Variants in MAP2K1 observed in about 807,000 individuals in gnomAD.
The protein encoded by MAP2K1 is mitogen-activated protein kinase kinase 1.
In MAP2K1, 16 loss-of-function variants were observed where a neutral mutation model predicts 46.3. The ratio of observed to expected loss-of-function variants is 0.35; its 90% CI spans 0.23 to 0.52. The LOEUF (loss-of-function observed/expected upper bound fraction) is 0.52. Among genes scored for constraint, MAP2K1 ranks in the 20% least tolerant of loss-of-function variants. The pLI is 0.94. For missense variants in MAP2K1, 263 were observed against 497.1 expected (o/e 0.53, Z 4.48); for synonymous variants, 183 against 185.6 (o/e 0.99, Z 0.11).
At chr15:66,444,565 A>ATC in intron 4 of MAP2K1, 91 bp from the exon 5 acceptor site, 3 of 976,816 alleles carry the variant, frequency 3.1e-6, no homozygotes, top group Non-Finnish European at 5.0e-6. Context: ...GATGATGATA[A>ATC]ATGAAGTATT....
chr15:66,458,253 G>A (rs562608230), intron 5 of MAP2K1, among the ~76,000 whole-genome samples: 8 of 152,072 alleles, frequency 5.3e-5, no homozygotes, highest in Admixed American at 3.3e-4. Context: ...CCACCCTGCC[G>A]TTCTTAACCT....
At chr15:66,490,128 T>C (rs1893198608) in intron 10 of MAP2K1, 1 of 514,408 alleles carries the variant, frequency 1.9e-6, no homozygotes, top group Non-Finnish European at 3.5e-6. Context: ...TTGGTGGCAG[T>C]GGAAATAGCT....
At chr15:66,419,155 T>G (rs1412774843) in intron 1 of MAP2K1, among the ~76,000 whole-genome samples, 1 of 147,756 alleles carries the variant, frequency 6.8e-6, no homozygotes, top group Non-Finnish European at 1.5e-5. Flanking sequence ...ATAACTTCTG[T>G]TTTTTTTTCC....
At chr15:66,427,073 A>G (rs2093461146) in intron 1 of MAP2K1, among the ~76,000 whole-genome samples, 1 of 152,222 alleles carries the variant, frequency 6.6e-6, no homozygotes, top group African/African-American at 2.4e-5. Context: ...AAGTTCCGGC[A>G]CTAGAAGGCC....
intron 5 of MAP2K1, among the ~76,000 whole-genome samples, chr15:66,452,287 TAAA>T (rs146502834): frequency 2.9e-5 from 3 of 103,626 alleles, no homozygotes; most frequent in African/African-American, 1.2e-4. Flanking sequence ...TAGAGTATAA[TAAA>T]AAAAAAAAAA....
intron 6 of MAP2K1, among the ~76,000 whole-genome samples, chr15:66,484,683 G>A (rs1451275074): frequency 7.5e-6 from 1 of 134,208 alleles, no homozygotes. Flanking sequence ...CAAGACTGTG[G>A]CCAAGCTGGG....
At chr15:66,433,318 A>T (rs1408537632) in intron 1 of MAP2K1, among the ~76,000 whole-genome samples, 2 of 152,150 alleles carry the variant, frequency 1.3e-5, no homozygotes, top group African/African-American at 4.8e-5. Flanking sequence ...ATCATAGACT[A>T]AGTAGCTTAG....
chr15:66,489,394 T>A, intron 9 of MAP2K1, 118 bp downstream of exon 9: 1 of 973,458 alleles, frequency 1.0e-6, no homozygotes. Flanking sequence ...TACCCTCCCG[T>A]CTGATGATTC....
At chr15:66,402,265 T>C (rs545913868) in intron 1 of MAP2K1, among the ~76,000 whole-genome samples, 1 of 152,318 alleles carries the variant, frequency 6.6e-6, no homozygotes, top group African/African-American at 2.4e-5. Context: ...CTAACCTTTT[T>C]CCCCCTTTTG....
At chr15:66,483,541 A>T (rs999296533) in intron 6 of MAP2K1, among the ~76,000 whole-genome samples, 12 of 152,194 alleles carry the variant, frequency 7.9e-5, no homozygotes, top group Non-Finnish European at 1.8e-4. Context: ...GAAAAATGCT[A>T]CTGGAGAAGT....
chr15:66,425,156 C>A (rs1269480640), intron 1 of MAP2K1, among the ~76,000 whole-genome samples: 1 of 152,186 alleles, frequency 6.6e-6, no homozygotes, highest in African/African-American at 2.4e-5. Flanking sequence ...GTTTTCCCAG[C>A]ATTCTTTCCC....
intron 5 of MAP2K1, chr15:66,453,604 G>A: frequency 1.4e-6 from 1 of 702,032 alleles, no homozygotes. Flanking sequence ...CAGTCTCCTT[G>A]TCCCTGCCTA....
chr15:66,479,533 G>C (rs2140664005), intron 5 of MAP2K1, among the ~76,000 whole-genome samples: 1 of 152,332 alleles, frequency 6.6e-6, no homozygotes, highest in South Asian at 2.1e-4. Context: ...TTTGTATCCT[G>C]TGTTCCTTTA....
chr15:66,479,936 C>G (rs1287646859), intron 5 of MAP2K1, among the ~76,000 whole-genome samples: 3 of 152,012 alleles, frequency 2.0e-5, no homozygotes, highest in Admixed American at 6.5e-5. Context: ...CAGAGTTTCA[C>G]TCTTGTTGCC....
intron 10 of MAP2K1, chr15:66,490,021 C>T: frequency 1.7e-6 from 1 of 586,394 alleles, no homozygotes; most frequent in Non-Finnish European, 3.0e-6. Flanking sequence ...AAAAGGCCAG[C>T]CCACCCCCTT....
intron 2 of MAP2K1, 22 bp downstream of exon 2, chr15:66,435,259 G>T (rs16949924): frequency 1.9e-6 from 3 of 1,597,814 alleles, no homozygotes; most frequent in East Asian, 2.2e-5. Context: ...TTGATTAACA[G>T]GTAATTGGAT....
chr15:66,481,666 T>A, intron 5 of MAP2K1, 89 bp from the exon 6 acceptor site: 1 of 1,492,598 alleles, frequency 6.7e-7, no homozygotes. Context: ...GGACTCGTGG[T>A]CAGGGCTGGT....
chr15:66,471,480 G>GC (rs934107595), intron 5 of MAP2K1, among the ~76,000 whole-genome samples: 2 of 152,140 alleles, frequency 1.3e-5, no homozygotes, highest in African/African-American at 4.8e-5. Context: ...AGATGATAGA[G>GC]CTAGGATTCA....
At chr15:66,481,729 C>G (rs2140667103) in intron 5 of MAP2K1, 26 bp from the exon 6 acceptor site, 1 of 1,610,438 alleles carries the variant, frequency 6.2e-7, no homozygotes, top group Non-Finnish European at 8.5e-7. Flanking sequence ...TCAGTTCCCT[C>G]CTTTTCTATT....
Sources: allele counts gnomAD v4.1 joint callset (sites outside exome capture counted in the v4.1 genomes callset), GRCh38; gene constraint gnomAD v4.1.1; transcripts MANE v1.5; gene names NCBI Gene and HGNC (gene_info 2026-07-23, HGNC 2026-07-21).